SGCZ: variants seen among roughly 807,000 people sequenced by gnomAD.
The protein encoded by SGCZ is sarcoglycan zeta.
In SGCZ, 40 loss-of-function variants were observed where a neutral mutation model predicts 41.3. The ratio of observed to expected loss-of-function variants is 0.97; its 90% CI spans 0.75 to 1.26. The LOEUF is 1.26. Among genes scored for constraint, SGCZ ranks in the 50% most tolerant of loss-of-function variants. The pLI is 0.00. For missense variants in SGCZ, 552 were observed against 369.8 expected, an observed-to-expected ratio of 1.49 and a Z score of -4.04; for synonymous variants, 206 against 137.5, an observed-to-expected ratio of 1.50 and a Z score of -3.49.
intron 1 of SGCZ, among the ~76,000 whole-genome samples, chr8:14,912,787 A>C (rs1020564253): frequency 6.6e-6 from 1 of 152,084 alleles, no homozygotes; most frequent in Non-Finnish European, 1.5e-5. Flanking sequence ...TGAAAAATGA[A>C]ACTTTGAGTT....
intron 1 of SGCZ, among the ~76,000 whole-genome samples, chr8:14,773,740 C>G (rs991395213): frequency 2.0e-5 from 3 of 152,122 alleles, no homozygotes; most frequent in Non-Finnish European, 2.9e-5. Flanking sequence ...GGTGAGGGGC[C>G]TCCTTCTATC....
chr8:15,034,706 C>T (rs1371152959), intron 1 of SGCZ, among the ~76,000 whole-genome samples: 1 of 152,048 alleles, frequency 6.6e-6, no homozygotes, highest in Non-Finnish European at 1.5e-5. Context: ...ACCCTGAAAG[C>T]AGCATGAGAA....
chr8:15,041,712 A>G (rs1230588464), intron 1 of SGCZ, among the ~76,000 whole-genome samples: 1 of 142,524 alleles, frequency 7.0e-6, no homozygotes, highest in Non-Finnish European at 1.6e-5. Flanking sequence ...ACACATATAC[A>G]TGCACAAACA....
chr8:14,324,234 A>T (rs1402991310), intron 2 of SGCZ, 30 bp from the exon 3 acceptor site: 1 of 1,515,548 alleles, frequency 6.6e-7, no homozygotes, highest in African/African-American at 1.4e-5. Flanking sequence ...GTTCACTTTT[A>T]GGTTAATTGG....
intron 1 of SGCZ, among the ~76,000 whole-genome samples, chr8:15,103,484 T>G (rs981873134): frequency 1.3e-5 from 2 of 151,962 alleles, no homozygotes; most frequent in Non-Finnish European, 2.9e-5. Context: ...AAATCTCTTG[T>G]AAAACAAATG....
At chr8:14,175,836 C>G (rs539207372) in intron 4 of SGCZ, among the ~76,000 whole-genome samples, 1 of 151,890 alleles carries the variant, frequency 6.6e-6, no homozygotes, top group African/African-American at 2.4e-5. Context: ...TTATATCACA[C>G]AAGACTAAAA....
At chr8:14,109,037 T>A (rs10503485) in intron 5 of SGCZ, among the ~76,000 whole-genome samples, 2 of 152,166 alleles carry the variant, frequency 1.3e-5, no homozygotes, top group South Asian at 4.1e-4. Flanking sequence ...CCCTCATAGA[T>A]GTTTAGCAGT....
At chr8:15,237,538 G>A (rs763770164) in intron 1 of SGCZ, 47 bp downstream of exon 1, 12 of 1,571,680 alleles carry the variant, frequency 7.6e-6, no homozygotes, top group East Asian at 2.3e-5. Flanking sequence ...GGGGAGAGCA[G>A]GGAGCGCCGA....
At chr8:14,168,713 A>G (rs983788317) in intron 4 of SGCZ, among the ~76,000 whole-genome samples, 3 of 152,104 alleles carry the variant, frequency 2.0e-5, no homozygotes, top group African/African-American at 4.8e-5. Flanking sequence ...ACTAATACGC[A>G]TTGTGAGTTC....
At position 14,401,808 on chromosome 8, in the gene SGCZ, T is replaced by C. The variant is rs943665284; in HGVS notation, c.235-77604A>G. ...AGTCCTTTGGGTATATACCCAGTAA[T>C]GGGATGGCTGGGTCAAATGGTATTT... On this transcript the variant is annotated intron_variant, in intron 2 of 7. Coordinates refer to ENST00000382080, the MANE Select transcript of SGCZ (RefSeq NM_139167.4). 1.8e-3 allele frequency among the ~76,000 whole-genome samples: 265 copies of C among 151,036 alleles called. 1 individual carries two copies. Among genetic ancestry groups the C allele is most frequent in the African/African-American group, 6.3e-3 (256 of 40,510 alleles).
intron 1 of SGCZ, among the ~76,000 whole-genome samples, chr8:14,758,925 T>C (rs546471616): frequency 2.0e-5 from 3 of 151,364 alleles, no homozygotes; most frequent in Admixed American, 2.0e-4. Context: ...GGAGAATCAG[T>C]TGAACCCAGG....
intron 4 of SGCZ, among the ~76,000 whole-genome samples, chr8:14,222,247 T>C (rs1806222254): frequency 6.6e-6 from 1 of 151,982 alleles, no homozygotes; most frequent in South Asian, 2.1e-4. Context: ...CTCCATTCAC[T>C]GCAAACTCCG....
chr8:14,589,034 C>T (rs1805155158), intron 1 of SGCZ, among the ~76,000 whole-genome samples: 1 of 152,138 alleles, frequency 6.6e-6, no homozygotes, highest in Non-Finnish European at 1.5e-5. Context: ...TTCTTTCACC[C>T]TTCCATCAAT....
chr8:15,166,085 A>C (rs1362894974), intron 1 of SGCZ, among the ~76,000 whole-genome samples: 1 of 152,208 alleles, frequency 6.6e-6, no homozygotes, highest in African/African-American at 2.4e-5. Flanking sequence ...TAGCCTTCCC[A>C]AAATCAAACT....
At chr8:14,922,299 G>A (rs1023571200) in intron 1 of SGCZ, among the ~76,000 whole-genome samples, 1 of 151,984 alleles carries the variant, frequency 6.6e-6, no homozygotes, top group Non-Finnish European at 1.5e-5. Context: ...GATACTGAAG[G>A]ATTAAAGACA....
intron 3 of SGCZ, among the ~76,000 whole-genome samples, chr8:14,293,826 A>G (rs886152813): frequency 6.6e-6 from 1 of 151,886 alleles, no homozygotes; most frequent in African/African-American, 2.4e-5. Flanking sequence ...CATCATTATC[A>G]GTTGTCTTTA....
At chr8:14,566,279 T>C (rs1398989051) in intron 1 of SGCZ, among the ~76,000 whole-genome samples, 1 of 152,222 alleles carries the variant, frequency 6.6e-6, no homozygotes, top group Non-Finnish European at 1.5e-5. Flanking sequence ...AGCCCGAATA[T>C]TGATATAACA....
intron 1 of SGCZ, among the ~76,000 whole-genome samples, chr8:15,211,197 C>G (rs1452209217): frequency 1.3e-5 from 2 of 151,304 alleles, no homozygotes; most frequent in African/African-American, 2.4e-5. Flanking sequence ...CTACAGATAT[C>G]AACAGACAGA....
chr8:14,630,027 C>A (rs1048551512), intron 1 of SGCZ, among the ~76,000 whole-genome samples: 6 of 151,958 alleles, frequency 3.9e-5, no homozygotes, highest in Non-Finnish European at 8.8e-5. Flanking sequence ...TGTATTATCT[C>A]AGATATATTA....
Sources: allele counts gnomAD v4.1 joint callset (sites outside exome capture counted in the v4.1 genomes callset), GRCh38; gene constraint gnomAD v4.1.1; transcripts MANE v1.5; gene names NCBI Gene and HGNC (gene_info 2026-07-23, HGNC 2026-07-21).